Variants in FGF14 observed in about 807,000 individuals in gnomAD.
FGF14 encodes the protein fibroblast growth factor homologous factor 4.
A neutral mutation model predicts 25.5 loss-of-function variants in FGF14; 5 were observed. The observed-to-expected ratio is 0.20, with a 90% CI of 0.10 to 0.41. The LOEUF (loss-of-function observed/expected upper bound fraction) is 0.41. FGF14 is among the 10% of genes least tolerant of loss of function. The probability of loss-of-function intolerance (pLI) is 1.00; values close to 1 mark genes in which losing one functional copy is unlikely to be tolerated. For synonymous variants in FGF14, 138 were observed against 118.3 expected (o/e 1.17, Z -1.08); for missense variants, 222 against 320.1 (o/e 0.69, Z 2.34).
chr13:101,815,833 T>G (rs2041816257), intron 3 of FGF14, among the ~76,000 whole-genome samples: 2 of 152,002 alleles, frequency 1.3e-5, no homozygotes, highest in African/African-American at 2.4e-5. Flanking sequence ...AGGAAGAAAC[T>G]GAGGAGTGTA....
chr13:101,917,628 C>T (rs895606958), upstream of FGF14, among the ~76,000 whole-genome samples: 3 of 151,956 alleles, frequency 2.0e-5, no homozygotes, highest in African/African-American at 7.2e-5. Context: ...AACGCCCCCC[C>T]GTCGCCACCC....
intron 1 of FGF14, among the ~76,000 whole-genome samples, chr13:102,053,070 T>A (rs2042285360): frequency 6.6e-6 from 1 of 151,872 alleles, no homozygotes; most frequent in Non-Finnish European, 1.5e-5. Context: ...GCACAAAAGA[T>A]AAACAGTAAG....
At chr13:101,812,366 C>A (rs769549421) in intron 3 of FGF14, among the ~76,000 whole-genome samples, 139 of 151,914 alleles carry the variant, frequency 9.1e-4, no homozygotes, top group African/African-American at 2.8e-3. Flanking sequence ...AATACATCTT[C>A]ATGTTCTCTA....
chr13:102,013,191 T>G (rs1566570820), intron 1 of FGF14, among the ~76,000 whole-genome samples: 1 of 151,228 alleles, frequency 6.6e-6, no homozygotes, highest in Non-Finnish European at 1.5e-5. Context: ...ACACCAGAGA[T>G]AAAAAGAAGT....
intron 3 of FGF14, among the ~76,000 whole-genome samples, chr13:101,823,906 T>C (rs2042280740): frequency 3.1e-5 from 3 of 96,958 alleles, no homozygotes; most frequent in African/African-American, 6.8e-5. Context: ...TTGTTACTGT[T>C]ATTTTTCTTA....
At chr13:102,113,726 C>G (rs2045339266) in intron 1 of FGF14, among the ~76,000 whole-genome samples, 1 of 152,112 alleles carries the variant, frequency 6.6e-6, no homozygotes, top group African/African-American at 2.4e-5. Flanking sequence ...GGGACATGAC[C>G]CTTCCACCCC....
chr13:102,015,098 G>A (rs1421493044), intron 1 of FGF14, among the ~76,000 whole-genome samples: 1 of 152,210 alleles, frequency 6.6e-6, no homozygotes, highest in East Asian at 1.9e-4. Flanking sequence ...AGTAGAGATG[G>A]GGTTTCACCA....
chr13:101,970,583 C>A (rs1594867880), intron 1 of FGF14, among the ~76,000 whole-genome samples: 1 of 152,292 alleles, frequency 6.6e-6, no homozygotes, highest in Non-Finnish European at 1.5e-5. Flanking sequence ...TGCCCCTCTG[C>A]CTCTCCTAAA....
chr13:102,084,652 G>A (rs184059803), intron 1 of FGF14, among the ~76,000 whole-genome samples: 111 of 152,240 alleles, frequency 7.3e-4, no homozygotes, highest in African/African-American at 2.6e-3. Flanking sequence ...GTCAAAGGAA[G>A]CAAGTTGTTG....
intron 3 of FGF14, chr13:101,779,029 C>T (rs1229384311): frequency 2.0e-5 from 3 of 152,218 alleles, no homozygotes; most frequent in African/African-American, 7.2e-5. Flanking sequence ...ATCATGCCAT[C>T]TCCCCTGCCG....
At chr13:102,121,840 T>C (rs899603026) in intron 1 of FGF14, among the ~76,000 whole-genome samples, 1 of 152,204 alleles carries the variant, frequency 6.6e-6, no homozygotes, top group African/African-American at 2.4e-5. Context: ...CTCATCTGGC[T>C]TAAAGGCAAT....
chr13:102,246,479 G>T (rs953875566), intron 1 of FGF14, among the ~76,000 whole-genome samples: 1 of 152,160 alleles, frequency 6.6e-6, no homozygotes, highest in East Asian at 1.9e-4. Flanking sequence ...ACTTAAAACA[G>T]ATGGAGCTGG....
intron 3 of FGF14, among the ~76,000 whole-genome samples, chr13:101,866,097 CATAAT>C (rs369903008): frequency 7.2e-4 from 109 of 152,056 alleles, no homozygotes; most frequent in Non-Finnish European, 8.4e-4. Context: ...AATTAATACC[CATAAT>C]ATAATATCAA....
At chr13:102,201,265 T>G (rs2049633506) in intron 1 of FGF14, among the ~76,000 whole-genome samples, 1 of 152,054 alleles carries the variant, frequency 6.6e-6, no homozygotes, top group Non-Finnish European at 1.5e-5. Context: ...CCATCTCTAC[T>G]TTAGGATTCT....
intron 1 of FGF14, among the ~76,000 whole-genome samples, chr13:102,396,341 C>T (rs1241547216): frequency 1.3e-5 from 2 of 152,182 alleles, no homozygotes; most frequent in African/African-American, 4.8e-5. Flanking sequence ...GTTCAAACAG[C>T]CCAACTGTTT....
chr13:102,385,166 T>C (rs903891724), intron 1 of FGF14, among the ~76,000 whole-genome samples: 4 of 152,248 alleles, frequency 2.6e-5, no homozygotes, highest in African/African-American at 4.8e-5. Flanking sequence ...AAGTTTTGAA[T>C]AGCCTAAAGA....
chr13:102,079,997 G>C (rs1328486907), intron 1 of FGF14, among the ~76,000 whole-genome samples: 1 of 152,128 alleles, frequency 6.6e-6, no homozygotes, highest in African/African-American at 2.4e-5. Context: ...AGCAGAGTGA[G>C]CAAGAGGAAG....
intron 1 of FGF14, among the ~76,000 whole-genome samples, chr13:102,079,915 C>T (rs529133): frequency 0.035 from 5,255 of 152,198 alleles, 287 homozygotes; most frequent in African/African-American, 0.12. Context: ...GAAAAGTAGT[C>T]TGCAAGCAGG....
At chr13:102,063,049 A>C (rs2042754063) in intron 1 of FGF14, among the ~76,000 whole-genome samples, 1 of 152,194 alleles carries the variant, frequency 6.6e-6, no homozygotes, top group Non-Finnish European at 1.5e-5. Context: ...TTCTGAATCT[A>C]TAATAAAATA....
Sources: gnomAD v4.1 joint callset for allele counts (sites outside exome capture counted in the v4.1 genomes callset) on GRCh38, gnomAD v4.1.1 for gene constraint, MANE v1.5 for transcripts, NCBI Gene and HGNC (gene_info 2026-07-23, HGNC 2026-07-21) for gene names.